Variants in IGF1R observed in about 807,000 individuals in gnomAD.
IGF1R encodes insulin like growth factor 1 receptor.
IGF1R carries 44 observed loss-of-function variants against 144.6 expected under a neutral mutation model. The observed-to-expected ratio is 0.30, with a 90% CI of 0.24 to 0.39. The LOEUF is 0.39. Among genes scored for constraint, IGF1R ranks in the 10% least tolerant of loss-of-function variants. The pLI is 1.00. For synonymous variants in IGF1R, 795 were observed against 722.8 expected, an observed-to-expected ratio of 1.10 and a Z score of -1.60; for missense variants, 1,355 against 1,833.7, an observed-to-expected ratio of 0.74 and a Z score of 4.77.
chr15:98,687,200 G>A (rs1225640500), intron 1 of IGF1R, among the ~76,000 whole-genome samples: 1 of 152,206 alleles, frequency 6.6e-6, no homozygotes, highest in Non-Finnish European at 1.5e-5. Context: ...AGTAAATACA[G>A]TGCAGTTCCA....
chr15:98,936,788 C>A (rs2151710491), intron 17 of IGF1R, among the ~76,000 whole-genome samples: 1 of 152,192 alleles, frequency 6.6e-6, no homozygotes, highest in Admixed American at 6.5e-5. Context: ...ACAAAACTCC[C>A]ACCCTCTGTT....
At chr15:98,897,125 C>T (rs2014239681) in intron 4 of IGF1R, among the ~76,000 whole-genome samples, 1 of 152,110 alleles carries the variant, frequency 6.6e-6, no homozygotes, top group Non-Finnish European at 1.5e-5. Context: ...GTCATTTATT[C>T]CTGTAAAGAG....
intron 2 of IGF1R, among the ~76,000 whole-genome samples, chr15:98,722,527 C>A (rs1747187041): frequency 6.6e-6 from 1 of 152,084 alleles, no homozygotes; most frequent in Admixed American, 6.5e-5. Flanking sequence ...GGCCAGTGTC[C>A]CTCTGCCCCC....
rs1321706245 is a variant in IGF1R, at chr15:98,910,198, G to A, written c.1463-1117G>A. ...AGGCTGACGACCAGCGCCGCCTCCC[G>A]CCCCCTGCTCACTCTATCCCTGCAA... is the stretch of plus-strand genomic sequence containing the variant. On this transcript the variant is annotated intron_variant, in intron 6 of 20. Transcript: ENST00000650285. 2.6e-5 allele frequency among the ~76,000 whole-genome samples: 4 copies of A among 152,054 alleles called. No individual in the cohort carries two copies. The East Asian group carries it at 5.8e-4, about 22-fold the overall frequency.
At chr15:98,784,022 TAGA>T (rs1392536215) in intron 2 of IGF1R, among the ~76,000 whole-genome samples, 1 of 122,884 alleles carries the variant, frequency 8.1e-6, no homozygotes, top group Non-Finnish European at 1.6e-5. Flanking sequence ...TTGCCCAGGC[TAGA>T]GTGCAATGGC....
At chr15:98,661,956 C>CTTT (rs869208651) in intron 1 of IGF1R, among the ~76,000 whole-genome samples, 1,163 of 105,646 alleles carry the variant, frequency 0.011, 144 homozygotes, top group African/African-American at 0.049. Context: ...GAATAGGGCC[C>CTTT]TTTTTTTTTT....
chr15:98,946,312 CAG>C (rs1437592933), intron 19 of IGF1R, among the ~76,000 whole-genome samples: 3 of 152,020 alleles, frequency 2.0e-5, no homozygotes, highest in African/African-American at 7.3e-5. Flanking sequence ...ACTTAGGCTG[CAG>C]AGAGATCAAG....
intron 2 of IGF1R, among the ~76,000 whole-genome samples, chr15:98,792,105 A>G (rs2056141240): frequency 6.6e-6 from 1 of 152,208 alleles, no homozygotes; most frequent in Non-Finnish European, 1.5e-5. Context: ...CATTGTATGT[A>G]GAATACTTGA....
chr15:98,703,423 A>T (rs1442969124), intron 1 of IGF1R, among the ~76,000 whole-genome samples: 1 of 151,994 alleles, frequency 6.6e-6, no homozygotes, highest in African/African-American at 2.4e-5. Flanking sequence ...GAACGCTGCT[A>T]TCATTCATGG....
At chr15:98,921,855 C>G (rs933126530) in intron 10 of IGF1R, among the ~76,000 whole-genome samples, 3 of 152,150 alleles carry the variant, frequency 2.0e-5, no homozygotes, top group African/African-American at 7.2e-5. Context: ...ACAGCCAGGA[C>G]TGCCTGGCCA....
In IGF1R at chr15:98,922,224, G is replaced by T. The variant is rs70958396; in HGVS notation, c.2278G>T (p.Ala760Ser). 2 of 1,614,178 alleles carry T rather than the reference G, an allele frequency of 1.2e-6. No homozygotes were observed. Among genetic ancestry groups the T allele is most frequent in the African/African-American group, 1.3e-5 (1 of 75,052 alleles). Reference sequence around the variant, plus strand: ...CAGCCGAAGCAGGAACACCACGGCCGCAGACACCTACAACATCACCGACCC... The same window carrying T: ...CAGCCGAAGCAGGAACACCACGGCCTCAGACACCTACAACATCACCGACCC... ...MSSRSRNTTA[A>S]DTYNITDPEE... The change falls in exon 11 of 21, where the codon GCA (alanine) becomes TCA (serine). Residue 760 changes from alanine (A) to serine (S), a missense_variant. Ala to Ser is a moderately conservative substitution (Grantham distance 99). Around this residue, in one of 7 missense-constraint regions of IGF1R, gnomAD observed 880 missense variants for 1,202.7 expected, o/e 0.73. Transcript: ENST00000650285.
intron 2 of IGF1R, among the ~76,000 whole-genome samples, chr15:98,790,470 C>G (rs1055284302): frequency 6.6e-5 from 10 of 152,158 alleles, no homozygotes; most frequent in Non-Finnish European, 1.5e-5. Context: ...TTTGCACTTG[C>G]AAAGGTCCTG....
chr15:98,788,249 C>T (rs927317484), intron 2 of IGF1R, among the ~76,000 whole-genome samples: 10 of 152,118 alleles, frequency 6.6e-5, no homozygotes, highest in African/African-American at 2.2e-4. Flanking sequence ...AATCTGCTCA[C>T]CAGCACGAGT....
chr15:98,876,701 A>G (rs1226999929), intron 2 of IGF1R, among the ~76,000 whole-genome samples: 1 of 152,190 alleles, frequency 6.6e-6, no homozygotes, highest in African/African-American at 2.4e-5. Flanking sequence ...GAATCATCAG[A>G]TAGATTAAAT....
chr15:98,943,100 C>T, intron 19 of IGF1R, 48 bp downstream of exon 19: 2 of 1,606,056 alleles, frequency 1.2e-6, no homozygotes, highest in Non-Finnish European at 8.5e-7. Flanking sequence ...CCAGCCTCTG[C>T]ACTTTCCACC....
At chr15:98,894,384 C>T (rs2014073777) in intron 3 of IGF1R, among the ~76,000 whole-genome samples, 1 of 152,204 alleles carries the variant, frequency 6.6e-6, no homozygotes, top group African/African-American at 2.4e-5. Flanking sequence ...TCCATAGCAG[C>T]TTTATTTGTA....
rs73479718 is a variant in IGF1R at position 98,798,449 on chromosome 15, G to A, written c.640+90342G>A. 2.1e-3 allele frequency among the ~76,000 whole-genome samples: 326 copies of A among 152,200 alleles called. 3 individuals carry two copies. Among genetic ancestry groups the A allele is most frequent in the African/African-American group, 6.9e-3 (288 of 41,512 alleles). On this transcript the variant is annotated intron_variant, in intron 2 of 20. Transcript: ENST00000650285. The stretch of plus-strand genomic sequence containing the variant: ...AAGGAGATGGCAGAGTTTGGAGCTG[G>A]TGTGTACGTTAACAGGACCATGCTG...
intron 2 of IGF1R, among the ~76,000 whole-genome samples, chr15:98,876,110 A>G (rs1395738045): frequency 6.6e-6 from 1 of 152,304 alleles, no homozygotes; most frequent in East Asian, 1.9e-4. Flanking sequence ...TAGATATTTA[A>G]TGGTTTGGGG....
chr15:98,678,151 C>A (rs987183109), intron 1 of IGF1R, among the ~76,000 whole-genome samples: 1 of 152,176 alleles, frequency 6.6e-6, no homozygotes, highest in Non-Finnish European at 1.5e-5. Context: ...GTGGTTGTTA[C>A]ACCTATTAAT....
Sources: gnomAD v4.1 joint callset for allele counts (sites outside exome capture counted in the v4.1 genomes callset) on GRCh38, gnomAD v4.1.1 for gene constraint, gnomAD v4.1.1 regional missense constraint, MANE v1.5 for transcripts, NCBI Gene and HGNC (gene_info 2026-07-23, HGNC 2026-07-21) for gene names.